Variants in FHIT observed in about 807,000 individuals in gnomAD.
The protein encoded by FHIT is bis(5'-adenosyl)-triphosphatase.
FHIT carries 19 observed loss-of-function variants against 17.9 expected under a neutral mutation model. That is an observed-to-expected ratio of 1.06 (90% CI 0.74 to 1.56). FHIT has a LOEUF of 1.56. Among genes scored for constraint, FHIT ranks in the 40% most tolerant of loss-of-function variants. FHIT has a pLI of 0.00. For missense variants in FHIT, 248 were observed against 189.2 expected, an observed-to-expected ratio of 1.31 and a Z score of -1.82; for synonymous variants, 81 against 69.7, an observed-to-expected ratio of 1.16 and a Z score of -0.81.
intron 5 of FHIT, among the ~76,000 whole-genome samples, chr3:60,227,411 AGAAAT>A (rs1023453703): frequency 6.6e-6 from 1 of 152,204 alleles, no homozygotes; most frequent in African/African-American, 2.4e-5. Flanking sequence ...GAGGAAGTGA[AGAAAT>A]GAAAGCTTCC....
intron 7 of FHIT, among the ~76,000 whole-genome samples, chr3:59,922,687 T>A (rs561637101): frequency 6.6e-6 from 1 of 152,284 alleles, no homozygotes; most frequent in Admixed American, 6.5e-5. Flanking sequence ...TGGTTGTCAG[T>A]CTTGGTTGTA....
At chr3:61,006,280 G>C (rs968484025) in intron 3 of FHIT, among the ~76,000 whole-genome samples, 1 of 152,118 alleles carries the variant, frequency 6.6e-6, no homozygotes, top group African/African-American at 2.4e-5. Flanking sequence ...AGACTCAGAA[G>C]GTAACCTCAA....
At chr3:60,773,078 C>T (rs1471264240) in intron 4 of FHIT, among the ~76,000 whole-genome samples, 1 of 152,174 alleles carries the variant, frequency 6.6e-6, no homozygotes, top group Admixed American at 6.5e-5. Flanking sequence ...GTCAACTAAA[C>T]TCTTTCTTTA....
At position 60,058,505 on chromosome 3, in the gene FHIT, A is replaced by T. The variant is rs535586647; in HGVS notation, c.104-44353T>A. Among the ~76,000 whole-genome samples the T allele has an allele frequency of 1.2e-4, 19 of 152,278 alleles. No homozygotes were observed. In the South Asian group the frequency reaches 3.9e-3, roughly 32 times the overall value. The stretch of plus-strand genomic sequence containing the variant: ...GATGACTGCACAACATTGTGAATGT[A>T]CTCAGTACCACTGAATGACACAGTT... On this transcript the variant is annotated intron_variant, in intron 5 of 9. Coordinates refer to ENST00000492590, the MANE Select transcript of FHIT (RefSeq NM_002012.4).
intron 8 of FHIT, among the ~76,000 whole-genome samples, chr3:59,779,599 TAA>T (rs2106873154): frequency 6.6e-6 from 1 of 152,076 alleles, no homozygotes; most frequent in East Asian, 2.0e-4. Context: ...TTTCTTCTTA[TAA>T]GCTAAGTTAC....
At chr3:60,564,498 G>A (rs1364311287) in intron 4 of FHIT, among the ~76,000 whole-genome samples, 1 of 152,124 alleles carries the variant, frequency 6.6e-6, no homozygotes, top group Non-Finnish European at 1.5e-5. Context: ...TCTGGGCAAA[G>A]TAAATTGAAA....
intron 4 of FHIT, among the ~76,000 whole-genome samples, chr3:60,575,460 C>A (rs560914738): frequency 6.6e-6 from 1 of 152,052 alleles, no homozygotes; most frequent in African/African-American, 2.4e-5. Flanking sequence ...CTGTAGTGGA[C>A]TGGAACTCAT....
At chr3:59,866,006 C>A (rs1325105083) in intron 8 of FHIT, among the ~76,000 whole-genome samples, 1 of 152,178 alleles carries the variant, frequency 6.6e-6, no homozygotes, top group Non-Finnish European at 1.5e-5. Flanking sequence ...AAATATGGTT[C>A]TCCTGTTAAA....
At chr3:60,833,363 T>C (rs1553743093) in intron 3 of FHIT, among the ~76,000 whole-genome samples, 1 of 152,198 alleles carries the variant, frequency 6.6e-6, no homozygotes, top group Non-Finnish European at 1.5e-5. Flanking sequence ...TTTGTCATTC[T>C]TTCAATGTTC....
chr3:59,806,108 G>C (rs565082359), intron 8 of FHIT, among the ~76,000 whole-genome samples: 112 of 151,164 alleles, frequency 7.4e-4, no homozygotes, highest in Admixed American at 4.1e-3. Flanking sequence ...GTGAACCCAG[G>C]AGGCGGAGCT....
chr3:61,237,388 T>A (rs2040258566), intron 1 of FHIT, among the ~76,000 whole-genome samples: 1 of 152,262 alleles, frequency 6.6e-6, no homozygotes, highest in Non-Finnish European at 1.5e-5. Flanking sequence ...TTCTGATTTA[T>A]ATTCCTGTCT....
intron 5 of FHIT, among the ~76,000 whole-genome samples, chr3:60,132,872 A>C (rs1699652605): frequency 6.6e-6 from 1 of 152,154 alleles, no homozygotes; most frequent in Non-Finnish European, 1.5e-5. Flanking sequence ...ACCATCTAAC[A>C]CCTTTTATCA....
At chr3:60,738,301 T>C (rs1553713096) in intron 4 of FHIT, among the ~76,000 whole-genome samples, 1 of 152,152 alleles carries the variant, frequency 6.6e-6, no homozygotes, top group African/African-American at 2.4e-5. Context: ...GTGGATGAGA[T>C]AGTATTACAG....
At chr3:60,608,335 C>T (rs1559577778) in intron 4 of FHIT, among the ~76,000 whole-genome samples, 1 of 152,166 alleles carries the variant, frequency 6.6e-6, no homozygotes, top group Non-Finnish European at 1.5e-5. Context: ...CTAGCTGTTT[C>T]CTCAGGTGCT....
chr3:61,220,807 G>T (rs891195866), intron 1 of FHIT, among the ~76,000 whole-genome samples: 18 of 152,118 alleles, frequency 1.2e-4, no homozygotes, highest in African/African-American at 3.9e-4. Flanking sequence ...TTTGTTCTTG[G>T]TTTTCATTCA....
At chr3:60,510,302 A>G (rs1427221612) in intron 5 of FHIT, among the ~76,000 whole-genome samples, 2 of 152,236 alleles carry the variant, frequency 1.3e-5, no homozygotes, top group Non-Finnish European at 2.9e-5. Flanking sequence ...ATTCAGATCC[A>G]ATTTCACATA....
At chr3:60,096,571 T>C (rs1027871318) in intron 5 of FHIT, among the ~76,000 whole-genome samples, 9 of 152,184 alleles carry the variant, frequency 5.9e-5, no homozygotes, top group Admixed American at 3.9e-4. Context: ...GACTCACCTC[T>C]ATCTGACTAG....
intron 8 of FHIT, among the ~76,000 whole-genome samples, chr3:59,755,388 G>GTTTGGAGTAAAGTTCCAT (rs1263778913): frequency 1.3e-5 from 2 of 152,230 alleles, no homozygotes; most frequent in Non-Finnish European, 2.9e-5. Context: ...AAATGCTACA[G>GTTTGGAGTAAAGTTCCAT]TTTGGAGTAA....
At chr3:60,351,890 TA>T (rs1285634537) in intron 5 of FHIT, among the ~76,000 whole-genome samples, 3 of 152,184 alleles carry the variant, frequency 2.0e-5, no homozygotes, top group Non-Finnish European at 4.4e-5. Flanking sequence ...CTGTGCCCTC[TA>T]AAGATTTAAT....
Sources: gnomAD v4.1 joint callset for allele counts (sites outside exome capture counted in the v4.1 genomes callset) on GRCh38, gnomAD v4.1.1 for gene constraint, MANE v1.5 for transcripts, NCBI Gene and HGNC (gene_info 2026-07-23, HGNC 2026-07-21) for gene names.